The following TTC29 variants were observed in gnomAD, a reference collection of about 807,000 sequenced individuals.
The protein encoded by TTC29 is tetratricopeptide repeat domain 29.
In TTC29, 49 loss-of-function variants were observed where a neutral mutation model predicts 58.1. The ratio of observed to expected loss-of-function variants is 0.84; its 90% CI spans 0.67 to 1.07. The LOEUF (loss-of-function observed/expected upper bound fraction) is 1.07. Among genes scored for constraint, TTC29 ranks in the 50% least tolerant of loss-of-function variants. TTC29 has a pLI of 0.00. For synonymous variants in TTC29, 209 were observed against 196.8 expected (o/e 1.06, Z -0.52); for missense variants, 582 against 555.6 (o/e 1.05, Z -0.48).
rs975339322 is a variant in TTC29 at position 146,761,443 on chromosome 4, T to C, written c.1330+42014A>G. The stretch of plus-strand genomic sequence containing the variant: ...ACAAATTATGCATGAAAACAATTCT[T>C]TCTCTCTTACTCTTTAGTAATTGGT... On this transcript the variant is annotated intron_variant, in intron 11 of 12. Coordinates refer to ENST00000325106, the MANE Select transcript of TTC29 (RefSeq NM_031956.4). 2.0e-5 allele frequency among the ~76,000 whole-genome samples: 3 copies of C among 152,060 alleles called. No homozygotes were observed. In the South Asian group the frequency reaches 6.2e-4, roughly 32 times the overall value.
chr4:146,937,487 A>G (rs1163364525), intron 4 of TTC29, 107 bp downstream of exon 4: 5 of 713,758 alleles, frequency 7.0e-6, no homozygotes, highest in African/African-American at 1.9e-5. Flanking sequence ...TTTAAATGCC[A>G]TGTTCCAATG....
At chr4:146,810,588 C>CTTTTTT (rs398051307) in intron 10 of TTC29, among the ~76,000 whole-genome samples, 21 of 96,284 alleles carry the variant, frequency 2.2e-4, no homozygotes, top group African/African-American at 4.8e-4. Flanking sequence ...TACATACCTT[C>CTTTTTT]TTTTTTTTTT....
At chr4:146,817,144 C>G (rs1390434230) in intron 10 of TTC29, among the ~76,000 whole-genome samples, 3 of 152,184 alleles carry the variant, frequency 2.0e-5, no homozygotes, top group African/African-American at 7.2e-5. Flanking sequence ...GTCAAATTGT[C>G]TCTGTTTGCA....
chr4:146,858,774 A>G (rs1411380688), intron 8 of TTC29, among the ~76,000 whole-genome samples: 2 of 152,210 alleles, frequency 1.3e-5, no homozygotes, highest in Admixed American at 1.3e-4. Flanking sequence ...AGAAGAGGAA[A>G]CTAATGTTCA....
chr4:146,736,115 G>A (rs1295850129), intron 11 of TTC29, among the ~76,000 whole-genome samples: 1 of 152,084 alleles, frequency 6.6e-6, no homozygotes, highest in African/African-American at 2.4e-5. Flanking sequence ...GGAGGGCAGA[G>A]ATTACAATGA....
At chr4:146,805,995 T>G (rs1176840791) in intron 10 of TTC29, among the ~76,000 whole-genome samples, 1 of 152,134 alleles carries the variant, frequency 6.6e-6, no homozygotes, top group African/African-American at 2.4e-5. Context: ...AAAGGTCGGG[T>G]TACCCACAAA....
chr4:146,745,431 T>C (rs1413673098), intron 11 of TTC29, among the ~76,000 whole-genome samples: 3 of 152,240 alleles, frequency 2.0e-5, no homozygotes, highest in African/African-American at 4.8e-5. Flanking sequence ...TGATTAGCCA[T>C]GGCAGTGTTC....
intron 6 of TTC29, among the ~76,000 whole-genome samples, chr4:146,899,214 C>T (rs1732973770): frequency 1.3e-5 from 2 of 152,164 alleles, no homozygotes; most frequent in African/African-American, 2.4e-5. Flanking sequence ...ATGTGCCACT[C>T]ATCTTGCTAT....
chr4:146,874,703 C>A lies in TTC29; in HGVS notation c.799+13G>T. ...TTAAAGAAAGCAATGTGAGAGAGTT[C>A]TTTTCCACCCACCTTCTTTGGCTAT... On this transcript the variant is annotated intron_variant, in intron 7 of 12. Coordinates refer to ENST00000325106, the MANE Select transcript of TTC29 (RefSeq NM_031956.4). 1.9e-6 allele frequency: 3 copies of A among 1,584,532 alleles called. No homozygotes were observed. The highest frequency in any genetic ancestry group is 1.1e-5 in the South Asian group (1 of 87,654).
chr4:146,760,844 C>CTA lies in TTC29; in HGVS notation c.1330+42611_1330+42612dup, dbSNP rs200707708. ...TACTATATATATATATGATGGAATA[C>CTA]TATATATATATGATGGAATACTATA... On this transcript the variant is annotated intron_variant, in intron 11 of 12. Coordinates refer to ENST00000325106, the MANE Select transcript of TTC29 (RefSeq NM_031956.4). Among the ~76,000 whole-genome samples, 609 of 136,368 alleles carry CTA rather than the reference C, an allele frequency of 4.5e-3. 5 individuals are homozygous for CTA. The highest frequency in any genetic ancestry group is 0.016 in the East Asian group (74 of 4,608). The allele number at this position is 136,368 out of a possible 152,430, so 89.5% of individuals were successfully genotyped here.
At chr4:146,743,377 C>G (rs181676287) in intron 11 of TTC29, among the ~76,000 whole-genome samples, 11 of 152,294 alleles carry the variant, frequency 7.2e-5, no homozygotes, top group Admixed American at 1.3e-4. Flanking sequence ...TGTTTTCAAG[C>G]TCAAAACAGA....
chr4:146,873,253 G>A (rs1332190552), intron 7 of TTC29, among the ~76,000 whole-genome samples: 1 of 152,132 alleles, frequency 6.6e-6, no homozygotes, highest in Non-Finnish European at 1.5e-5. Context: ...GTAAAGGGAT[G>A]CTTTGTCCCA....
At chr4:146,724,457 A>C (rs1044404319) in intron 11 of TTC29, among the ~76,000 whole-genome samples, 1 of 152,246 alleles carries the variant, frequency 6.6e-6, no homozygotes, top group African/African-American at 2.4e-5. Flanking sequence ...TACAAGGAAA[A>C]GTCTAAACTT....
At chr4:146,917,985 A>T (rs1734350406) in intron 4 of TTC29, among the ~76,000 whole-genome samples, 1 of 150,614 alleles carries the variant, frequency 6.6e-6, no homozygotes, top group African/African-American at 2.4e-5. Context: ...GACTCAATTT[A>T]GGTAGATAGG....
intron 11 of TTC29, among the ~76,000 whole-genome samples, chr4:146,751,196 G>A (rs1333827775): frequency 6.6e-6 from 1 of 152,134 alleles, no homozygotes; most frequent in African/African-American, 2.4e-5. Context: ...CCCAACATTG[G>A]AGCACCTTAA....
chr4:146,828,824 T>A (rs1245509179), intron 9 of TTC29, among the ~76,000 whole-genome samples: 2 of 152,202 alleles, frequency 1.3e-5, no homozygotes, highest in Non-Finnish European at 2.9e-5. Context: ...TTTGCTTTAC[T>A]CAATGAATGT....
intron 11 of TTC29, among the ~76,000 whole-genome samples, chr4:146,728,557 G>A (rs1743963751): frequency 6.6e-6 from 1 of 150,730 alleles, no homozygotes. Flanking sequence ...AAATAAAATT[G>A]CCCCATTTAT....
chr4:146,874,262 G>T (rs1303183172), intron 7 of TTC29, among the ~76,000 whole-genome samples: 1 of 152,010 alleles, frequency 6.6e-6, no homozygotes, highest in Non-Finnish European at 1.5e-5. Context: ...AGGCAAAAAG[G>T]TCTCAAATAT....
At chr4:146,868,437 A>G (rs1330384709) in intron 7 of TTC29, among the ~76,000 whole-genome samples, 1 of 152,166 alleles carries the variant, frequency 6.6e-6, no homozygotes, top group East Asian at 1.9e-4. Context: ...ATTTCCTGGT[A>G]CAAAATTCCA....
Sources: gnomAD v4.1 joint callset for allele counts (sites outside exome capture counted in the v4.1 genomes callset) on GRCh38, gnomAD v4.1.1 for gene constraint, MANE v1.5 for transcripts, NCBI Gene and HGNC (gene_info 2026-07-23, HGNC 2026-07-21) for gene names.